Variants in KLRD1 observed in about 807,000 individuals in gnomAD.
KLRD1 encodes killer cell lectin like receptor D1.
A neutral mutation model predicts 22.6 loss-of-function variants in KLRD1; 21 were observed. That is an observed-to-expected ratio of 0.93 (90% CI 0.66 to 1.34). The LOEUF is 1.34. Ranked by LOEUF, KLRD1 falls within the 40% of genes most tolerant of loss-of-function variation. The pLI, the probability that KLRD1 is intolerant of heterozygous loss-of-function variation, is 0.00. For missense variants in KLRD1, 183 were observed against 208.6 expected (o/e 0.88, Z 0.76); for synonymous variants, 59 against 71.1 (o/e 0.83, Z 0.85).
intron 1 of KLRD1, among the ~76,000 whole-genome samples, chr12:10,239,659 T>G (rs1949223508): frequency 6.6e-6 from 1 of 151,284 alleles, no homozygotes; most frequent in Non-Finnish European, 1.5e-5. Flanking sequence ...CGTTCATTTT[T>G]GAGACAGAGT....
chr12:10,329,441 T>C lies in KLRD1; in HGVS notation c.*14648T>C, dbSNP rs1235375206. The C allele has an allele frequency of 3.3e-5, 5 of 152,236 alleles. No homozygotes were observed. Among genetic ancestry groups the C allele is most frequent in the Non-Finnish European group, 7.3e-5 (5 of 68,034 alleles). The allele number at this position is 152,236 out of a possible 1,614,324, so 9.4% of individuals were successfully genotyped here. A position where few individuals can be genotyped will look rare whatever the true frequency, so the allele number is the denominator to read the frequency against. ...CTAACATATGATCTATCCTGCAGAA[T>C]GATCCATGTGCACTTGAGAAGAATG... is the stretch of plus-strand genomic sequence containing the variant. On this transcript the variant is annotated 3_prime_UTR_variant, in exon 6 of 6. Coordinates refer to ENST00000336164, the MANE Select transcript of KLRD1 (RefSeq NM_002262.5).
intron 1 of KLRD1, among the ~76,000 whole-genome samples, chr12:10,296,780 C>G (rs1183790770): frequency 1.3e-5 from 2 of 152,154 alleles, no homozygotes; most frequent in African/African-American, 4.8e-5. Context: ...AAACTTACCC[C>G]CCGGCCCCTG....
chr12:10,240,643 T>C (rs1418835742), intron 1 of KLRD1, among the ~76,000 whole-genome samples: 2 of 152,208 alleles, frequency 1.3e-5, no homozygotes, highest in African/African-American at 4.8e-5. Context: ...GTATCTCCCA[T>C]GAGTGAGTAA....
chr12:10,294,721 G>A (rs2137671045), intron 1 of KLRD1, among the ~76,000 whole-genome samples: 1 of 152,216 alleles, frequency 6.6e-6, no homozygotes, highest in Middle Eastern at 3.4e-3. Flanking sequence ...TTTGACTGAA[G>A]TTGGACCCAC....
rs370736406 is a variant in KLRD1 at position 10,310,268 on chromosome 12, C to T, written c.163+580C>T. 5.1e-3 allele frequency among the ~76,000 whole-genome samples: 776 copies of T among 152,192 alleles called. 6 individuals are homozygous for T. Among genetic ancestry groups the T allele is most frequent in the African/African-American group, 0.017 (725 of 41,516 alleles). On this transcript the variant is annotated intron_variant, in intron 3 of 5. Coordinates refer to ENST00000336164, the MANE Select transcript of KLRD1 (RefSeq NM_002262.5). ...CCAAGTAGCTGGGACTACAGGCGCC[C>T]GCCACCATGCCCAGCTAATTTTTGT...
intron 1 of KLRD1, among the ~76,000 whole-genome samples, chr12:10,278,274 C>CTCAAGCCAT (rs1389046676): frequency 6.6e-6 from 1 of 152,206 alleles, no homozygotes; most frequent in African/African-American, 2.4e-5. Context: ...TATCAGCCAA[C>CTCAAGCCAT]TCAAGCCATT....
At chr12:10,313,155 C>G (rs1950136872) in intron 4 of KLRD1, among the ~76,000 whole-genome samples, 1 of 152,102 alleles carries the variant, frequency 6.6e-6, no homozygotes, top group Non-Finnish European at 1.5e-5. Flanking sequence ...CATGAAAACT[C>G]TATCTCCTTT....
intron 1 of KLRD1, among the ~76,000 whole-genome samples, chr12:10,276,665 A>T (rs958174874): frequency 2.0e-5 from 3 of 150,328 alleles, no homozygotes; most frequent in Admixed American, 1.3e-4. Flanking sequence ...AGTAGCTGGG[A>T]TTACAGGCAT....
At chr12:10,313,817 T>C (rs1012298684) in intron 5 of KLRD1, among the ~76,000 whole-genome samples, 11 of 152,172 alleles carry the variant, frequency 7.2e-5, no homozygotes, top group Non-Finnish European at 1.3e-4. Context: ...AATTTTTTAA[T>C]TAAAAATATA....
Position 10,265,061 on chromosome 12 carries a change from A to C in KLRD1, c.-101+38828A>C, listed in dbSNP as rs143362372. Among the ~76,000 whole-genome samples, 1,176 of 152,224 alleles carry C rather than the reference A, an allele frequency of 7.7e-3. 12 individuals are homozygous for C. The highest frequency in any genetic ancestry group is 0.027 in the African/African-American group (1,110 of 41,536). On this transcript the variant is annotated intron_variant, in intron 1 of 5. Coordinates refer to the KLRD1 transcript ENST00000544747. ...TAAGGCTGAATAATACCCTCTCTCT[A>C]TATATGTACACATACATGCAAACAC...
upstream of KLRD1, among the ~76,000 whole-genome samples, chr12:10,302,810 T>C (rs948851618): frequency 2.0e-5 from 3 of 151,530 alleles, no homozygotes; most frequent in Non-Finnish European, 2.9e-5. Context: ...ACAATATTGA[T>C]GCTATCTATA....
At chr12:10,307,725 A>T (rs568207425), upstream of KLRD1, 1 of 194,032 alleles carries the variant, frequency 5.2e-6, no homozygotes, top group East Asian at 1.2e-4. Flanking sequence ...AAACAATAAA[A>T]AACAAAACAG....
At chr12:10,290,019 C>T (rs569745133) in intron 1 of KLRD1, among the ~76,000 whole-genome samples, 7 of 152,248 alleles carry the variant, frequency 4.6e-5, no homozygotes, top group East Asian at 3.9e-4. Flanking sequence ...TCAGGTGATC[C>T]GCCCACCTCG....
At chr12:10,298,910 G>A (rs576335958) in intron 1 of KLRD1, among the ~76,000 whole-genome samples, 2 of 152,030 alleles carry the variant, frequency 1.3e-5, no homozygotes, top group African/African-American at 2.4e-5. Flanking sequence ...CACTCCACAG[G>A]CCATATTTCT....
At chr12:10,261,621 A>G (rs1429339875) in intron 1 of KLRD1, among the ~76,000 whole-genome samples, 3 of 152,168 alleles carry the variant, frequency 2.0e-5, no homozygotes, top group African/African-American at 4.8e-5. Flanking sequence ...TATTCTTACA[A>G]TTTGATTCAT....
At chr12:10,247,252 T>C (rs1162462746) in intron 1 of KLRD1, among the ~76,000 whole-genome samples, 2 of 152,166 alleles carry the variant, frequency 1.3e-5, no homozygotes, top group African/African-American at 4.8e-5. Flanking sequence ...TCAACTGCAT[T>C]TGTAATTTGT....
intron 1 of KLRD1, among the ~76,000 whole-genome samples, chr12:10,282,555 C>T (rs1459855072): frequency 6.6e-6 from 1 of 152,208 alleles, no homozygotes; most frequent in East Asian, 1.9e-4. Context: ...CCACATCTGG[C>T]AAATAAAAAT....
At chr12:10,260,811 G>A (rs1015525355) in intron 1 of KLRD1, among the ~76,000 whole-genome samples, 1 of 151,986 alleles carries the variant, frequency 6.6e-6, no homozygotes, top group African/African-American at 2.4e-5. Context: ...GTGTGGTGGT[G>A]GGCACCTGTA....
chr12:10,309,684 G>A lies in KLRD1; in HGVS notation c.159G>A (p.Gln53=), dbSNP rs1950011960. The change falls in exon 3 of 6, where the codon CAG becomes CAA. Residue 53 remains glutamine (Q), a synonymous_variant. Transcript: ENST00000336164. Reference sequence around the variant, plus strand: ...CTCCAGGACCCAACATAGAACTCCAGAAAGGTAGGTCACATTTTTTGGAAA... The same window carrying A: ...CTCCAGGACCCAACATAGAACTCCAAAAAGGTAGGTCACATTTTTTGGAAA... The part of the protein sequence containing the change: ...AFTPGPNIEL[Q]KDSDCCSCQE... 6.2e-7 allele frequency: 1 copy of A among 1,611,008 alleles called. No homozygotes were observed. Among genetic ancestry groups the A allele is most frequent in the Non-Finnish European group, 8.5e-7 (1 of 1,177,428 alleles).
Sources: allele counts gnomAD v4.1 joint callset (sites outside exome capture counted in the v4.1 genomes callset), GRCh38; gene constraint gnomAD v4.1.1; transcripts MANE v1.5; gene names NCBI Gene and HGNC (gene_info 2026-07-23, HGNC 2026-07-21).